Variants in TSC2 observed in about 807,000 individuals in gnomAD.
The protein encoded by TSC2 is TSC complex subunit 2, also known as tuberin.
TSC2 carries 29 observed loss-of-function variants against 202.2 expected under a neutral mutation model. That is an observed-to-expected ratio of 0.14 (90% confidence interval 0.11 to 0.20). The LOEUF is 0.20. Among genes scored for constraint, TSC2 ranks in the 10% least tolerant of loss-of-function variants. The probability of loss-of-function intolerance (pLI) is 1.00; values close to 1 mark genes in which losing one functional copy is unlikely to be tolerated. For synonymous variants in TSC2, 1,349 were observed against 1,044.0 expected, an observed-to-expected ratio of 1.29 and a Z score of -5.63; for missense variants, 2,429 against 2,420.0, an observed-to-expected ratio of 1.00 and a Z score of -0.08.
intron 10 of TSC2, among the ~76,000 whole-genome samples, chr16:2,060,279 T>A (rs1165492628): frequency 2.0e-5 from 3 of 152,146 alleles, no homozygotes; most frequent in Admixed American, 2.0e-4. Context: ...GTCACAGGGC[T>A]CTCCTGATCC....
At chr16:2,081,837 C>A in intron 31 of TSC2, 39 bp downstream of exon 31, 2 of 1,605,478 alleles carry the variant, frequency 1.2e-6, no homozygotes, top group South Asian at 1.1e-5. Context: ...GCTCTGCTCC[C>A]ACTGGCCTGG....
In TSC2 at chr16:2,065,505, C is replaced by A. The variant is rs45517185; in HGVS notation, c.1600-14C>A. The A allele has an allele frequency of 1.2e-5, 19 of 1,610,338 alleles. No homozygotes were observed. The highest frequency in any genetic ancestry group is 4.0e-5 in the African/African-American group (3 of 74,748). ...CCATGAGCCTGTGTGTAAGTCCTGG[C>A]CTTCTCTTCAAAGGTGATGGCCCGC... On this transcript the variant is annotated splice_polypyrimidine_tract_variant and intron_variant, in intron 15 of 41. Coordinates refer to ENST00000219476, the MANE Select transcript of TSC2 (RefSeq NM_000548.5).
At chr16:2,063,897 T>C (rs1596310339) in intron 14 of TSC2, 1 of 382,156 alleles carries the variant, frequency 2.6e-6, no homozygotes, top group Non-Finnish European at 5.0e-6. Flanking sequence ...CACGTGCACA[T>C]GCCCACGCGT....
At position 2,086,524 on chromosome 16, in the gene TSC2, CGTGGGCA is replaced by C; in HGVS notation, c.4849+146_4849+152del. On this transcript the variant is annotated intron_variant, in intron 37 of 41. Transcript: ENST00000219476. ...ACGCCTCAGGTTCCGAGCCTAACAG[CGTGGGCA>C]TGGAGGCAGTGATGGGGCTGGTGGC... 3 of 1,401,884 alleles carry C rather than the reference CGTGGGCA, an allele frequency of 2.1e-6. No homozygotes were observed. The East Asian group carries it at 7.5e-5, about 35-fold the overall frequency. The allele number at this position is 1,401,884 out of a possible 1,614,324, so 86.8% of individuals were successfully genotyped here.
At position 2,088,575 on chromosome 16, in the gene TSC2, A is replaced by C. The variant is rs796053479; in HGVS notation, c.5389A>C (p.Ile1797Leu). Residue 1797 changes from isoleucine to leucine, a missense_variant, in exon 42 of 42, where the codon ATC (isoleucine) becomes CTC (leucine). Coordinates refer to ENST00000219476, the MANE Select transcript of TSC2 (RefSeq NM_000548.5). ...GYEVGQRKRL[I>L]SSVEDFTEFV Reference sequence around the variant, plus strand: ...TGAGGTGGGCCAGCGGAAGCGCCTCATCTCCTCGGTGGAGGACTTCACCGA... The same window carrying C: ...TGAGGTGGGCCAGCGGAAGCGCCTCCTCTCCTCGGTGGAGGACTTCACCGA... 1 of 1,609,032 alleles carries C rather than the reference A, an allele frequency of 6.2e-7. No homozygotes were observed. The highest frequency in any genetic ancestry group is 1.7e-5 in the Admixed American group (1 of 59,992).
In TSC2 at chr16:2,086,469, C is replaced by T. The variant is rs1027670870; in HGVS notation, c.4849+90C>T. ...TGCTACCCCACGCCCTGGGGCATGG[C>T]CCTGGCACCCCCACCTGCTCCAGCT... is the stretch of plus-strand genomic sequence containing the variant. On this transcript the variant is annotated intron_variant, in intron 37 of 41. Coordinates refer to ENST00000219476, the MANE Select transcript of TSC2 (RefSeq NM_000548.5). 7 of 1,515,550 alleles carry T rather than the reference C, an allele frequency of 4.6e-6. No individual in the cohort carries two copies. In the African/African-American group the frequency reaches 8.4e-5, roughly 18 times the overall value. The allele number at this position is 1,515,550 out of a possible 1,614,324, so 93.9% of individuals were successfully genotyped here. A position where few individuals can be genotyped will look rare whatever the true frequency, so the allele number is the denominator to read the frequency against.
In TSC2 at chr16:2,070,440, C is replaced by T. The variant is rs45517191; in HGVS notation, c.1717-16C>T. The T allele has an allele frequency of 6.4e-5, 103 of 1,613,198 alleles. No individual in the cohort carries two copies. The highest frequency in any genetic ancestry group is 7.4e-5 in the Non-Finnish European group (87 of 1,180,042). ...TCACCTCCTGCGCCGTGGTGAGCTGCGTCCTCTCTCTGCAGACCAAGCTGT... is the reference window on the plus strand; with the variant it reads ...TCACCTCCTGCGCCGTGGTGAGCTGTGTCCTCTCTCTGCAGACCAAGCTGT... On this transcript the variant is annotated splice_polypyrimidine_tract_variant and intron_variant, in intron 16 of 41. Coordinates refer to ENST00000219476, the MANE Select transcript of TSC2 (RefSeq NM_000548.5).
At chr16:2,055,197 C>G (rs1351869574) in intron 5 of TSC2, 2 of 647,754 alleles carry the variant, frequency 3.1e-6, no homozygotes, top group Admixed American at 4.3e-5. Context: ...GGCGGTAGAT[C>G]CTAGTGTCCG....
rs1567378022 is a variant in TSC2, at chr16:2,048,041, C to T, written c.-54C>T. ...GCGCCTTTCTCCGCGTCGGGGCGGC[C>T]CGGAGCGCGGTGGCGCGGCGCGGGG... On this transcript the variant is annotated 5_prime_UTR_variant, in exon 1 of 42. Transcript: ENST00000219476. 8 of 1,430,206 alleles carry T rather than the reference C, an allele frequency of 5.6e-6. No homozygotes were observed. The highest frequency in any genetic ancestry group is 1.5e-5 in the South Asian group (1 of 66,966). The allele number at this position is 1,430,206 out of a possible 1,614,324, so 88.6% of individuals were successfully genotyped here.
At position 2,081,377 on chromosome 16, in the gene TSC2, C is replaced by T. The variant is rs545300211; in HGVS notation, c.3611-218C>T. ...AGGCTGTGGGCTGGAGGCCGCTGCT[C>T]TGAGGTGCCTGGCGGAGCCTGGCCT... is the stretch of plus-strand genomic sequence containing the variant. On this transcript the variant is annotated intron_variant, in intron 30 of 41. Coordinates refer to ENST00000219476, the MANE Select transcript of TSC2 (RefSeq NM_000548.5). 1.7e-5 allele frequency: 11 copies of T among 636,120 alleles called. 1 individual carries two copies. The Admixed American group carries it at 1.9e-4, about 11-fold the overall frequency. The allele number at this position is 636,120 out of a possible 1,614,324, so 39.4% of individuals were successfully genotyped here. A position where few individuals can be genotyped will look rare whatever the true frequency, so the allele number is the denominator to read the frequency against.
intron 26 of TSC2, chr16:2,078,562 C>T (rs1300166489): frequency 1.5e-5 from 4 of 265,524 alleles, no homozygotes; most frequent in East Asian, 1.0e-4. Flanking sequence ...TAAGCCTCTT[C>T]CCTGTCACTG....
Position 2,048,064 on chromosome 16 carries a change from G to C in TSC2, c.-31G>C. ...GCCCGGAGCGCGGTGGCGCGGCGCG[G>C]GGTAAGTGGCGGTCCCCACGGGGCA... On this transcript the variant is annotated splice_region_variant and 5_prime_UTR_variant, in exon 1 of 42. Transcript: ENST00000219476. 1.4e-6 allele frequency: 2 copies of C among 1,426,702 alleles called. No individual in the cohort carries two copies. The highest frequency in any genetic ancestry group is 1.8e-6 in the Non-Finnish European group (2 of 1,097,266). The allele number at this position is 1,426,702 out of a possible 1,614,324, so 88.4% of individuals were successfully genotyped here.
In TSC2 at chr16:2,075,752, G is replaced by A. The variant is rs755214333; in HGVS notation, c.2546-47G>A. 7.1e-5 allele frequency: 114 copies of A among 1,594,986 alleles called. 1 individual carries two copies. The East Asian group carries it at 1.4e-3, about 19-fold the overall frequency. On this transcript the variant is annotated intron_variant, in intron 22 of 41. Transcript: ENST00000219476. ...AGCAGCCGTGTTGGCCTTCAGAGGC[G>A]CTGCACGGGACCCCGGCTCCCCTGA...
chr16:2,070,380 C>T (rs2088096019), intron 16 of TSC2, 76 bp from the exon 17 acceptor site: 2 of 1,612,228 alleles, frequency 1.2e-6, no homozygotes, highest in Non-Finnish European at 1.7e-6. Context: ...CCGGCCCCTG[C>T]TCCGGGACAA....
rs550888304 is a variant in TSC2 at position 2,053,988 on chromosome 16, G to T, written c.337-308G>T. On this transcript the variant is annotated intron_variant, in intron 4 of 41. Transcript: ENST00000219476. ...CTTGTCCTCAGTCTCTGAGCACAAG[G>T]CTGTCTGCCCTGCACCGAGTGCAGG... The T allele has an allele frequency of 5.6e-5, 27 of 480,786 alleles. No individual in the cohort carries two copies. In the East Asian group the frequency reaches 6.9e-4, roughly 12 times the overall value. The allele number at this position is 480,786 out of a possible 1,614,324, so 29.8% of individuals were successfully genotyped here.
At chr16:2,067,026 A>G (rs1201999069) in intron 16 of TSC2, among the ~76,000 whole-genome samples, 1 of 152,146 alleles carries the variant, frequency 6.6e-6, no homozygotes, top group Admixed American at 6.6e-5. Flanking sequence ...GTATCGTGTA[A>G]AATATAATGT....
chr16:2,065,494 G>A (rs2151205295), intron 15 of TSC2, 25 bp from the exon 16 acceptor site: 1 of 1,572,586 alleles, frequency 6.4e-7, no homozygotes, highest in Non-Finnish European at 8.7e-7. Flanking sequence ...GAGCCTGTGT[G>A]TAAGTCCTGG....
intron 22 of TSC2, 145 bp downstream of exon 22, chr16:2,074,534 C>G (rs937690997): frequency 1.5e-5 from 15 of 1,031,376 alleles, no homozygotes; most frequent in Middle Eastern, 2.9e-4. Context: ...CGTCTCTGCC[C>G]GGCTGCCATG....
chr16:2,060,269 G>A (rs1171317928), intron 10 of TSC2, among the ~76,000 whole-genome samples: 1 of 152,190 alleles, frequency 6.6e-6, no homozygotes, highest in Non-Finnish European at 1.5e-5. Context: ...TGCGGTGTGG[G>A]TCACAGGGCT....
Sources: allele counts gnomAD v4.1 joint callset (sites outside exome capture counted in the v4.1 genomes callset), GRCh38; gene constraint gnomAD v4.1.1; transcripts MANE v1.5; gene names NCBI Gene and HGNC (gene_info 2026-07-23, HGNC 2026-07-21).